The following SEL1L3 variants were observed in gnomAD, a reference collection of about 807,000 sequenced individuals.
The protein encoded by SEL1L3 is protein sel-1 homolog 3.
SEL1L3 carries 76 observed loss-of-function variants against 142.8 expected under a neutral mutation model. That is an observed-to-expected ratio of 0.53 (90% CI 0.44 to 0.64). SEL1L3 has a LOEUF of 0.64. Ranked by LOEUF, SEL1L3 falls within the 30% of genes least tolerant of loss-of-function variation. The pLI, the probability that SEL1L3 is intolerant of heterozygous loss-of-function variation, is 0.00. For synonymous variants in SEL1L3, 504 were observed against 519.6 expected (o/e 0.97, Z 0.41); for missense variants, 1,262 against 1,381.7 (o/e 0.91, Z 1.37).
chr4:25,861,381 C>T (rs2109332455), intron 1 of SEL1L3, among the ~76,000 whole-genome samples: 1 of 152,290 alleles, frequency 6.6e-6, no homozygotes, highest in Admixed American at 6.5e-5. Flanking sequence ...TGAGTAAAAG[C>T]ACGGATTGCT....
At chr4:25,849,751 A>T (rs2109312813) in intron 1 of SEL1L3, among the ~76,000 whole-genome samples, 1 of 152,366 alleles carries the variant, frequency 6.6e-6, no homozygotes. Flanking sequence ...GGAAAAAAAT[A>T]AGGACTCCTT....
At chr4:25,752,033 C>A (rs1421232762) in intron 23 of SEL1L3, among the ~76,000 whole-genome samples, 1 of 145,648 alleles carries the variant, frequency 6.9e-6, no homozygotes, top group African/African-American at 2.6e-5. Flanking sequence ...CGCTTGAACC[C>A]GGGAGGCGGA....
At position 25,849,544 on chromosome 4, in the gene SEL1L3, G is replaced by A. The variant is rs117223075; in HGVS notation, c.163-1680C>T. 2.4e-4 allele frequency among the ~76,000 whole-genome samples: 37 copies of A among 152,312 alleles called. No individual in the cohort carries two copies. In the East Asian group the frequency reaches 6.2e-3, roughly 25 times the overall value. ...GCCTAAGGGAAGAGGGGATTGAGGA[G>A]TTAGGATTTAATGGGTCCAGAGTTT... On this transcript the variant is annotated intron_variant, in intron 1 of 23. Transcript: ENST00000399878.
chr4:25,836,862 A>C (rs1055056812), intron 2 of SEL1L3, among the ~76,000 whole-genome samples: 7 of 152,140 alleles, frequency 4.6e-5, no homozygotes, highest in Admixed American at 6.5e-5. Context: ...AGGAAATAAA[A>C]AGTTTTATTA....
Position 25,759,050 on chromosome 4 carries a change from G to C in SEL1L3, c.2974C>G (p.Leu992Val), listed in dbSNP as rs1718197880. Residue 992 changes from leucine (L) to valine (V), a missense_variant, in exon 21 of 24, where the codon CTG becomes GTG. Around this residue, in one of 3 missense-constraint regions of SEL1L3, gnomAD observed 435 missense variants for 559.2 expected, o/e 0.78. Transcript: ENST00000399878. The part of the protein sequence containing the change: ...GDSQGFFNLA[L>V]LIEEGTIIPH... ...ATTATCGTACCTTCCTCGATTAGCA[G>C]GGCCAGGTTAAAAAATCCCTAAAAA... 1.2e-6 allele frequency: 2 copies of C among 1,612,982 alleles called. No homozygotes were observed. The highest frequency in any genetic ancestry group is 1.3e-5 in the African/African-American group (1 of 74,846).
chr4:25,748,421 C>T lies in SEL1L3; in HGVS notation c.*4G>A, dbSNP rs1326925867. ...CTCATCTGGAGAGAACTGGAGTGCA[C>T]AGTTCACCCACGTGGCTCCGGGTTA... On this transcript the variant is annotated 3_prime_UTR_variant, in exon 24 of 24. Transcript: ENST00000399878. 1.0e-5 allele frequency: 16 copies of T among 1,606,096 alleles called. No homozygotes were observed. The African/African-American group carries it at 1.7e-4, about 17-fold the overall frequency.
the SEL1L3 span, among the ~76,000 whole-genome samples, chr4:25,736,985 T>TTCTTTTTTC: frequency 0.46 from 69,439 of 149,864 alleles, 16,488 homozygotes; most frequent in East Asian, 0.67. Context: ...TTTTTTCTTT[T>TTCTTTTTTC]TCTTTTTTTT....
At chr4:25,768,350 G>A (rs763655350) in intron 17 of SEL1L3, among the ~76,000 whole-genome samples, 10 of 152,162 alleles carry the variant, frequency 6.6e-5, no homozygotes, top group Non-Finnish European at 1.0e-4. Flanking sequence ...GAAAAGAAAC[G>A]TTTGACACCA....
intron 9 of SEL1L3, 81 bp downstream of exon 9, chr4:25,818,057 C>T: frequency 7.0e-7 from 1 of 1,436,326 alleles, no homozygotes; most frequent in Non-Finnish European, 9.4e-7. Context: ...AGGCATAAAT[C>T]ACCAAAGAGG....
chr4:25,751,641 T>C (rs1717596190), intron 23 of SEL1L3, among the ~76,000 whole-genome samples: 1 of 149,656 alleles, frequency 6.7e-6, no homozygotes, highest in South Asian at 2.1e-4. Context: ...TATATTTATA[T>C]GTATTCTTTA....
At chr4:25,766,473 C>T (rs1482917559) in intron 19 of SEL1L3, among the ~76,000 whole-genome samples, 2 of 149,580 alleles carry the variant, frequency 1.3e-5, no homozygotes, top group African/African-American at 2.5e-5. Context: ...ATGTATTAGT[C>T]AATGTCCAAT....
At chr4:25,794,905 G>A (rs115267549) in intron 11 of SEL1L3, among the ~76,000 whole-genome samples, 16,376 of 152,100 alleles carry the variant, frequency 0.11, 1,033 homozygotes, top group South Asian at 0.26. Context: ...GTCCTCTGAA[G>A]GGACATGGAT....
the SEL1L3 span, among the ~76,000 whole-genome samples, chr4:25,742,181 GTATT>G: frequency 6.6e-6 from 1 of 151,840 alleles, no homozygotes; most frequent in Non-Finnish European, 1.5e-5. Context: ...TTCATTTGAA[GTATT>G]TATTTATTTA....
At chr4:25,760,137 C>T (rs1718276385) in intron 20 of SEL1L3, among the ~76,000 whole-genome samples, 1 of 152,166 alleles carries the variant, frequency 6.6e-6, no homozygotes. Flanking sequence ...CATGTGTTCT[C>T]ATCATTTAGC....
chr4:25,833,697 A>G (rs752330734), intron 3 of SEL1L3, 128 bp from the exon 4 acceptor site: 1 of 745,560 alleles, frequency 1.3e-6, no homozygotes, highest in East Asian at 3.0e-5. Context: ...CGCGTTCATC[A>G]TGGGAGATCA....
chr4:25,760,328 G>C (rs1383716542), intron 20 of SEL1L3, among the ~76,000 whole-genome samples: 1 of 152,118 alleles, frequency 6.6e-6, no homozygotes, highest in Non-Finnish European at 1.5e-5. Context: ...CCATTGATGG[G>C]CATTTGGGTT....
downstream of SEL1L3, among the ~76,000 whole-genome samples, chr4:25,742,561 G>A (rs1717150946): frequency 1.3e-5 from 2 of 152,132 alleles, no homozygotes; most frequent in South Asian, 4.1e-4. Context: ...CTCTCAAAGT[G>A]CTGGGATGAT....
intron 9 of SEL1L3, among the ~76,000 whole-genome samples, chr4:25,810,739 G>A (rs576607134): frequency 2.0e-4 from 30 of 152,228 alleles, no homozygotes; most frequent in Admixed American, 1.3e-3. Context: ...AGACGGTGGT[G>A]AACTACGGGC....
In SEL1L3 at chr4:25,833,582, G is replaced by T; in HGVS notation, c.861-13C>A. 1 of 1,592,552 alleles carries T rather than the reference G, an allele frequency of 6.3e-7. No homozygotes were observed. The highest frequency in any genetic ancestry group is 1.2e-5 in the South Asian group (1 of 86,840). ...TGAAACAGTAAACCTATAAGAGTGA[G>T]GGGGAAAAAAATTCTGCAGATTGAT... On this transcript the variant is annotated splice_polypyrimidine_tract_variant and intron_variant, in intron 3 of 23. Coordinates refer to ENST00000399878, the MANE Select transcript of SEL1L3 (RefSeq NM_015187.5).
Sources: allele counts gnomAD v4.1 joint callset (sites outside exome capture counted in the v4.1 genomes callset), GRCh38; gene constraint gnomAD v4.1.1; regional missense constraint gnomAD v4.1.1; transcripts MANE v1.5; gene names NCBI Gene and HGNC (gene_info 2026-07-23, HGNC 2026-07-21).